Variants in VWA8 observed in about 807,000 individuals in gnomAD.
VWA8 encodes von Willebrand factor A domain containing 8, also known as von Willebrand factor A domain-containing protein 8.
Under a neutral mutation model 241.5 loss-of-function variants are expected in VWA8, and 221 were observed. The ratio of observed to expected loss-of-function variants is 0.91; its 90% CI spans 0.82 to 1.02. VWA8 has a LOEUF of 1.02. VWA8 is among the 50% of genes least tolerant of loss of function. VWA8 has a pLI of 0.00. For missense variants in VWA8, 2,322 were observed against 2,328.7 expected (o/e 1.00, Z 0.06); for synonymous variants, 852 against 827.1 (o/e 1.03, Z -0.52).
intron 37 of VWA8, among the ~76,000 whole-genome samples, chr13:41,616,223 T>C (rs1252836146): frequency 6.6e-6 from 1 of 152,160 alleles, no homozygotes; most frequent in African/African-American, 2.4e-5. Context: ...CCATTCAGAA[T>C]AAAATCAAGA....
At chr13:41,587,800 G>A (rs1467189582) in intron 41 of VWA8, 130 bp from the exon 42 acceptor site, 17 of 1,069,048 alleles carry the variant, frequency 1.6e-5, no homozygotes, top group Non-Finnish European at 2.1e-5. Flanking sequence ...GCTCAGCCCT[G>A]CACAAGGCTG....
In VWA8 at chr13:41,611,606, C is replaced by G. The variant is rs769501655; in HGVS notation, c.4847G>C (p.Arg1616Thr). 2.5e-6 allele frequency: 4 copies of G among 1,613,976 alleles called. No individual in the cohort carries two copies. In the East Asian group the frequency reaches 8.9e-5, roughly 36 times the overall value. The change falls in exon 39 of 45, where the codon AGA becomes ACA. Residue 1616 changes from arginine (R) to threonine (T), a missense_variant. Physicochemically the swap from Arg to Thr is moderately conservative, Grantham distance 71 (BLOSUM62 -1). Transcript: ENST00000379310. ...CTGGAATGCTCTCTGGCCCATCTCT[C>G]TAGCAGCTCTCTTGACCTCTTCGGG... is the stretch of plus-strand genomic sequence containing the variant. Reference protein sequence around the residue: ...AVPEEVKRAAREMGQRAFQQR... With the variant: ...AVPEEVKRAATEMGQRAFQQR...
At chr13:41,943,077 A>C (rs184443668) in intron 2 of VWA8, among the ~76,000 whole-genome samples, 15 of 152,354 alleles carry the variant, frequency 9.8e-5, no homozygotes, top group African/African-American at 3.6e-4. Context: ...TGGTGTTAGA[A>C]GAGGAACTAA....
rs146278855 is a variant in VWA8, at chr13:41,943,054, C to T, written c.241+6882G>A. Among the ~76,000 whole-genome samples the T allele has an allele frequency of 1.7e-3, 260 of 152,220 alleles. 2 individuals are homozygous for T. Among genetic ancestry groups the T allele is most frequent in the African/African-American group, 5.8e-3 (239 of 41,538 alleles). ...GACCTCTTTGGCCCCAGGTTTGCCA[C>T]AGTTTGTGAAGCTGGTGTTAGAAGA... On this transcript the variant is annotated intron_variant, in intron 2 of 44. Transcript: ENST00000379310.
intron 28 of VWA8, 133 bp downstream of exon 28, chr13:41,701,259 A>T (rs2045247357): frequency 1.8e-6 from 2 of 1,135,696 alleles, no homozygotes; most frequent in Non-Finnish European, 2.4e-6. Flanking sequence ...TAAATTACAT[A>T]TAATTGCTAT....
Position 41,568,305 on chromosome 13 carries a change from C to G in VWA8, c.5610G>C (p.Arg1870Ser), listed in dbSNP as rs771113852. 4 of 1,613,880 alleles carry G rather than the reference C, an allele frequency of 2.5e-6. No homozygotes were observed. In the East Asian group the frequency reaches 6.7e-5, roughly 27 times the overall value. ...GACCAGCTGGTAAAGTTCTCTGAAGCCTGCCAGGATGGAAAGGGAAAGGAA... is the reference window on the plus strand; with the variant it reads ...GACCAGCTGGTAAAGTTCTCTGAAGGCTGCCAGGATGGAAAGGGAAAGGAA... ...FIGSLGDQAT[R>S]LQRTLPAGRS... The change falls in exon 45 of 45, where the codon AGG becomes AGC. Residue 1870 changes from arginine (R) to serine (S), a missense_variant and splice_region_variant. Physicochemically the swap from Arg to Ser is moderately radical, Grantham distance 110. Coordinates refer to ENST00000379310, the MANE Select transcript of VWA8 (RefSeq NM_015058.2).
rs772603738 is a variant in VWA8, at chr13:41,806,783, CAGG to C, written c.2063+4439_2063+4441del. On this transcript the variant is annotated intron_variant, in intron 17 of 44. Transcript: ENST00000379310. ...ATCCCAGCTACTCAGGAGGCAGAGG[CAGG>C]AGAATTGCTTGATCCCTGGAAGGGG... 1.2e-3 allele frequency among the ~76,000 whole-genome samples: 179 copies of C among 151,176 alleles called. 1 individual carries two copies. Among genetic ancestry groups the C allele is most frequent in the Non-Finnish European group, 1.7e-3 (116 of 67,894 alleles).
At position 41,685,088 on chromosome 13, in the gene VWA8, A is replaced by T. The variant is rs1305019906; in HGVS notation, c.4286T>A (p.Leu1429Ter). 9.3e-6 allele frequency: 15 copies of T among 1,613,430 alleles called. No homozygotes were observed. The highest frequency in any genetic ancestry group is 1.3e-5 in the Non-Finnish European group (15 of 1,179,694). ...LLDTNQVVRI[L>*]PPGEVPLKDI... is the part of the protein sequence containing the mutation. ...TTTTAGAGGGACTTCTCCTGGGGGT[A>T]AAATCCTCACTACCTGATTCGTATC... The change falls in exon 35 of 45, where the codon TTA (leucine) becomes TAA (stop). Residue 1429 changes from leucine (L) to a stop codon, truncating the protein, a stop_gained. Transcript: ENST00000379310. LOFTEE classifies it high-confidence loss of function.
chr13:41,570,787 T>A, intron 43 of VWA8, 81 bp from the exon 44 acceptor site: 1 of 1,212,590 alleles, frequency 8.2e-7, no homozygotes, highest in Admixed American at 2.0e-5. Flanking sequence ...CTATTGACCA[T>A]GAGCATGCAT....
rs369059134 is a variant in VWA8, at chr13:41,685,185, T to C, written c.4189A>G (p.Thr1397Ala). ...RPSSLHKRSG[T>A]DTSFYRGKKK... ...TTTCCTCTATAGAATGATGTATCAG[T>C]GCCACTTCGTTTATGCAAAGATGAT... The change falls in exon 35 of 45, where the codon ACT becomes GCT. Residue 1397 changes from threonine to alanine, a missense_variant. Physicochemically the swap from Thr to Ala is moderately conservative, Grantham distance 58. Transcript: ENST00000379310. 2 of 1,613,344 alleles carry C rather than the reference T, an allele frequency of 1.2e-6. No individual in the cohort carries two copies. The highest frequency in any genetic ancestry group is 1.7e-5 in the Admixed American group (1 of 59,846).
chr13:41,886,307 A>G (rs1411186201), intron 7 of VWA8, among the ~76,000 whole-genome samples: 1 of 152,108 alleles, frequency 6.6e-6, no homozygotes, highest in East Asian at 1.9e-4. Flanking sequence ...TCCCAAACCT[A>G]AACTCTAGCC....
intron 2 of VWA8, chr13:41,926,051 C>A: frequency 2.2e-6 from 1 of 448,922 alleles, no homozygotes; most frequent in South Asian, 3.0e-5. Context: ...GAGAGGGGGT[C>A]AAGTTGCAAG....
At chr13:41,642,336 G>C (rs2044800825) in intron 37 of VWA8, among the ~76,000 whole-genome samples, 2 of 152,112 alleles carry the variant, frequency 1.3e-5, no homozygotes, top group African/African-American at 4.8e-5. Flanking sequence ...GAGGCAGGCA[G>C]ATCACGAGGT....
At chr13:41,872,500 G>T (rs1486145674) in intron 9 of VWA8, among the ~76,000 whole-genome samples, 2 of 152,126 alleles carry the variant, frequency 1.3e-5, no homozygotes, top group African/African-American at 4.8e-5. Flanking sequence ...GTAAGGAAGG[G>T]ATCCAGTTTC....
intron 36 of VWA8, among the ~76,000 whole-genome samples, chr13:41,674,714 A>G (rs893501607): frequency 1.3e-5 from 2 of 152,184 alleles, no homozygotes; most frequent in Non-Finnish European, 1.5e-5. Context: ...GTGGGACAAT[A>G]ATGAAGGAGG....
In VWA8 at chr13:41,653,290, C is replaced by T. The variant is rs369142746; in HGVS notation, c.4611+17656G>A. 1.4e-4 allele frequency among the ~76,000 whole-genome samples: 22 copies of T among 152,232 alleles called. 1 individual carries two copies. The East Asian group carries it at 4.2e-3, about 29-fold the overall frequency. On this transcript the variant is annotated intron_variant, in intron 37 of 44. Transcript: ENST00000379310. ...TCCAAGCTGAAGGCCAAATCAAGAA[C>T]ACAATCCCATTCACAATAGCCACAA...
intron 16 of VWA8, among the ~76,000 whole-genome samples, chr13:41,812,023 G>A (rs557104246): frequency 3.3e-5 from 5 of 152,160 alleles, no homozygotes; most frequent in African/African-American, 7.2e-5. Context: ...CAGATAAGTC[G>A]GTATCCTATT....
chr13:41,753,573 T>A (rs1033856842), intron 21 of VWA8, among the ~76,000 whole-genome samples: 3 of 152,222 alleles, frequency 2.0e-5, no homozygotes, highest in African/African-American at 7.2e-5. Flanking sequence ...TTAAATTACA[T>A]ATATCATTCT....
chr13:41,596,642 G>T (rs1226329828), intron 40 of VWA8, among the ~76,000 whole-genome samples: 1 of 151,960 alleles, frequency 6.6e-6, no homozygotes, highest in African/African-American at 2.4e-5. Flanking sequence ...GGTTGCATTA[G>T]TAAAAAGTCT....
Sources: gnomAD v4.1 joint callset for allele counts (sites outside exome capture counted in the v4.1 genomes callset) on GRCh38, gnomAD v4.1.1 for gene constraint, MANE v1.5 for transcripts, NCBI Gene and HGNC (gene_info 2026-07-23, HGNC 2026-07-21) for gene names.